The following EXOSC1 variants were observed in gnomAD, a reference collection of about 807,000 sequenced individuals.
EXOSC1 encodes exosome component 1.
A neutral mutation model predicts 31.4 loss-of-function variants in EXOSC1; 27 were observed. The observed-to-expected ratio is 0.86, with a 90% confidence interval of 0.63 to 1.18. The LOEUF is 1.18. EXOSC1 is among the 50% of genes most tolerant of loss of function. The pLI, the probability that EXOSC1 is intolerant of heterozygous loss-of-function variation, is 0.00. For synonymous variants in EXOSC1, 84 were observed against 89.5 expected (o/e 0.94, Z 0.35); for missense variants, 228 against 250.3 (o/e 0.91, Z 0.60).
chr10:97,445,246 G>C (rs1845893644), intron 2 of EXOSC1: 1 of 158,562 alleles, frequency 6.3e-6, no homozygotes, highest in Non-Finnish European at 1.4e-5. Flanking sequence ...TGTTACAAAG[G>C]CTCTGTAGCA....
intron 2 of EXOSC1, chr10:97,444,169 C>G (rs978427295): frequency 6.6e-6 from 1 of 152,148 alleles, no homozygotes; most frequent in African/African-American, 2.4e-5. Flanking sequence ...GAAATTTCCA[C>G]AAAAATGTTA....
intron 7 of EXOSC1, among the ~76,000 whole-genome samples, chr10:97,436,809 A>T (rs1223317223): frequency 6.6e-6 from 1 of 152,210 alleles, no homozygotes; most frequent in Non-Finnish European, 1.5e-5. Flanking sequence ...AGATCATTTG[A>T]GGCCAGGAGT....
chr10:97,438,108 G>A (rs1040838273), intron 5 of EXOSC1, among the ~76,000 whole-genome samples: 6 of 151,696 alleles, frequency 4.0e-5, no homozygotes, highest in Non-Finnish European at 7.4e-5. Flanking sequence ...TAGTAGAGAC[G>A]GGGTTTCACC....
chr10:97,438,667 A>T lies in EXOSC1; in HGVS notation c.345+3T>A, dbSNP rs759231254. 6.2e-7 allele frequency: 1 copy of T among 1,611,906 alleles called. No individual in the cohort carries two copies. The highest frequency in any genetic ancestry group is 2.2e-5 in the East Asian group (1 of 44,850). On this transcript the variant is annotated splice_donor_region_variant and intron_variant, in intron 5 of 7. Transcript: ENST00000370902. Reference sequence around the variant, plus strand: ...CATTAAAAAAAAAGAACCAACCAACAACCTTGTCTTTTTCAGTTGCTCGGA... The same window carrying T: ...CATTAAAAAAAAAGAACCAACCAACTACCTTGTCTTTTTCAGTTGCTCGGA...
Position 97,443,318 on chromosome 10 carries a change from A to G in EXOSC1, c.148-7T>C, listed in dbSNP as rs1266243727. The stretch of plus-strand genomic sequence containing the variant: ...CTACAGACACCACTGGAAGCTACAG[A>G]GGGAACAACAAAAAACTGAAATGTC... On this transcript the variant is annotated splice_region_variant and splice_polypyrimidine_tract_variant and intron_variant, in intron 2 of 7. Transcript: ENST00000370902. The G allele has an allele frequency of 6.2e-7, 1 of 1,612,770 alleles. No individual in the cohort carries two copies. Among genetic ancestry groups the G allele is most frequent in the Non-Finnish European group, 8.5e-7 (1 of 1,179,582 alleles).
chr10:97,444,868 A>C (rs1845859254), intron 2 of EXOSC1: 1 of 152,232 alleles, frequency 6.6e-6, no homozygotes, highest in Non-Finnish European at 1.5e-5. Context: ...TCCTGGATCT[A>C]TCTCTGAAAC....
intron 3 of EXOSC1, among the ~76,000 whole-genome samples, chr10:97,441,762 T>C (rs1044749731): frequency 2.0e-5 from 3 of 150,296 alleles, no homozygotes; most frequent in Non-Finnish European, 4.4e-5. Context: ...AGTGCTGGGA[T>C]TACAGGTGTA....
At chr10:97,443,066 C>T (rs189439342) in intron 3 of EXOSC1, among the ~76,000 whole-genome samples, 171 bp downstream of exon 3, 4 of 152,138 alleles carry the variant, frequency 2.6e-5, no homozygotes, top group Non-Finnish European at 2.9e-5. Context: ...CTGAAGCAAT[C>T]CTCCTGCCTC....
rs1021773822 is a variant in EXOSC1, at chr10:97,445,741, CTCGCTGCTCTTCA to C, written c.125_137del (p.Met42ArgfsTer10). On this transcript the variant is annotated frameshift_variant, in exon 2 of 8. Coordinates refer to ENST00000370902, the MANE Select transcript of EXOSC1 (RefSeq NM_016046.5). LOFTEE classifies it high-confidence loss of function. ...ATGCCGCTTCCTTTACCGCGCCATTCTCGCTGCTCTTCATCAGACAGCCGGCAAGCGACGAAAA... is the reference window on the plus strand; with the variant it reads ...ATGCCGCTTCCTTTACCGCGCCATTCTCAGACAGCCGGCAAGCGACGAAAA... 4 of 1,613,190 alleles carry C rather than the reference CTCGCTGCTCTTCA, an allele frequency of 2.5e-6. No homozygotes were observed. Among genetic ancestry groups the C allele is most frequent in the Non-Finnish European group, 3.4e-6 (4 of 1,179,232 alleles).
At chr10:97,443,497 G>A (rs1224351790) in intron 2 of EXOSC1, among the ~76,000 whole-genome samples, 186 bp from the exon 3 acceptor site, 1 of 152,228 alleles carries the variant, frequency 6.6e-6, no homozygotes, top group Admixed American at 6.5e-5. Flanking sequence ...GCTACAGAAT[G>A]CTGCTAGAAG....
At chr10:97,438,117 C>G (rs1343441111) in intron 5 of EXOSC1, among the ~76,000 whole-genome samples, 1 of 152,014 alleles carries the variant, frequency 6.6e-6, no homozygotes, top group African/African-American at 2.4e-5. Context: ...CGGGGTTTCA[C>G]CATGTTGGTC....
intron 5 of EXOSC1, among the ~76,000 whole-genome samples, chr10:97,438,066 C>T (rs1257960814): frequency 2.0e-5 from 3 of 151,846 alleles, no homozygotes; most frequent in African/African-American, 7.3e-5. Flanking sequence ...ATTATAGGTG[C>T]ATGGCACGAC....
At chr10:97,442,104 G>A (rs1398091309) in intron 3 of EXOSC1, among the ~76,000 whole-genome samples, 1 of 151,372 alleles carries the variant, frequency 6.6e-6, no homozygotes, top group Non-Finnish European at 1.5e-5. Context: ...TTGAACCCAA[G>A]AGGCCAGAGG....
At chr10:97,437,464 C>T (rs1845576240) in intron 6 of EXOSC1, among the ~76,000 whole-genome samples, 189 bp from the exon 7 acceptor site, 2 of 152,126 alleles carry the variant, frequency 1.3e-5, no homozygotes, top group Admixed American at 1.3e-4. Flanking sequence ...TCTCCTGCCT[C>T]AGCTTCCCGA....
Position 97,445,937 on chromosome 10 carries a change from C to T in EXOSC1, c.31+18G>A. ...TTCAGCCCCTATCCAGGACTCTGTA[C>T]GGGAAGCGCTCACTTACCGGGGATG... On this transcript the variant is annotated intron_variant, in intron 1 of 7. Coordinates refer to ENST00000370902, the MANE Select transcript of EXOSC1 (RefSeq NM_016046.5). The T allele has an allele frequency of 6.2e-7, 1 of 1,614,116 alleles. No individual in the cohort carries two copies. Among genetic ancestry groups the T allele is most frequent in the African/African-American group, 1.3e-5 (1 of 75,032 alleles).
chr10:97,437,594 C>T (rs1344452375), intron 6 of EXOSC1, 106 bp downstream of exon 6: 32 of 1,035,110 alleles, frequency 3.1e-5, no homozygotes, highest in Non-Finnish European at 4.5e-5. Flanking sequence ...GTGATCCACC[C>T]GCCCTGGCCT....
At chr10:97,442,777 T>A (rs1034845583) in intron 3 of EXOSC1, among the ~76,000 whole-genome samples, 2 of 152,048 alleles carry the variant, frequency 1.3e-5, no homozygotes, top group Admixed American at 1.3e-4. Context: ...ACCTCCTGGG[T>A]TCAAGCACTT....
In EXOSC1 at chr10:97,436,283, C is replaced by A. The variant is rs1845531860; in HGVS notation, c.*162G>T. On this transcript the variant is annotated 3_prime_UTR_variant, in exon 8 of 8. Coordinates refer to ENST00000370902, the MANE Select transcript of EXOSC1 (RefSeq NM_016046.5). The stretch of plus-strand genomic sequence containing the variant: ...ATTTATTACTCAAGAGAATGAAATC[C>A]ACTGATAGGTTCACAGAAACATGTT... 3.4e-6 allele frequency: 2 copies of A among 583,806 alleles called. No homozygotes were observed. Among genetic ancestry groups the A allele is most frequent in the Middle Eastern group, 3.1e-4 (1 of 3,274 alleles). The allele number at this position is 583,806 out of a possible 1,614,324, so 36.2% of individuals were successfully genotyped here.
intron 2 of EXOSC1, chr10:97,443,976 T>C (rs774501214): frequency 5.9e-5 from 9 of 152,104 alleles, no homozygotes; most frequent in African/African-American, 1.7e-4. Flanking sequence ...GTATTTTTAG[T>C]AGAGATGGGG....
Sources: allele counts gnomAD v4.1 joint callset (sites outside exome capture counted in the v4.1 genomes callset), GRCh38; gene constraint gnomAD v4.1.1; transcripts MANE v1.5; gene names NCBI Gene and HGNC (gene_info 2026-07-23, HGNC 2026-07-21).